The following HOMER2 variants were observed in gnomAD, a reference collection of about 807,000 sequenced individuals.
HOMER2 encodes the protein homer scaffold protein 2, also known as homer protein homolog 2.
In HOMER2, 27 loss-of-function variants were observed where a neutral mutation model predicts 47.0. The ratio of observed to expected loss-of-function variants is 0.57; its 90% CI spans 0.42 to 0.79. HOMER2 has a LOEUF of 0.79. HOMER2 is among the 30% of genes least tolerant of loss of function. The probability of loss-of-function intolerance (pLI) is 0.00; values close to 1 mark genes in which losing one functional copy is unlikely to be tolerated. For missense variants in HOMER2, 443 were observed against 435.0 expected, an observed-to-expected ratio of 1.02 and a Z score of -0.16; for synonymous variants, 161 against 163.8, an observed-to-expected ratio of 0.98 and a Z score of 0.13.
At chr15:82,931,773 G>C (rs1194186584) in intron 1 of HOMER2, among the ~76,000 whole-genome samples, 1 of 152,188 alleles carries the variant, frequency 6.6e-6, no homozygotes, top group East Asian at 1.9e-4. Context: ...AAAAGGCAGA[G>C]GTTGCCATGA....
At chr15:82,844,259 CG>C (rs1243913140), downstream of HOMER2, 23 of 152,066 alleles carry the variant, frequency 1.5e-4, no homozygotes, top group Non-Finnish European at 2.5e-4. Context: ...TAGGGAGGCG[CG>C]TACTTTTGAG....
intron 1 of HOMER2, among the ~76,000 whole-genome samples, chr15:82,976,526 T>C (rs1368488216): frequency 6.6e-6 from 1 of 152,026 alleles, no homozygotes; most frequent in Non-Finnish European, 1.5e-5. Context: ...CTCGAACTCC[T>C]GACCTCAGGT....
At chr15:82,930,924 G>A (rs905276782) in intron 1 of HOMER2, among the ~76,000 whole-genome samples, 3 of 152,072 alleles carry the variant, frequency 2.0e-5, no homozygotes, top group South Asian at 2.1e-4. Context: ...TACTTGGGGG[G>A]GCTGAGGCAG....
chr15:82,862,557 G>C (rs1366358267), intron 4 of HOMER2, among the ~76,000 whole-genome samples: 1 of 152,150 alleles, frequency 6.6e-6, no homozygotes, highest in East Asian at 1.9e-4. Flanking sequence ...GAAAAAGATA[G>C]TATATTAGAA....
chr15:82,896,045 GGAGAC>G (rs1172481011), intron 1 of HOMER2, among the ~76,000 whole-genome samples: 3 of 152,152 alleles, frequency 2.0e-5, no homozygotes, highest in Non-Finnish European at 4.4e-5. Flanking sequence ...AATGACACAG[GGAGAC>G]TCCAGAAAGT....
chr15:82,950,140 G>A (rs1426388378), intron 1 of HOMER2, among the ~76,000 whole-genome samples: 2 of 152,286 alleles, frequency 1.3e-5, no homozygotes, highest in African/African-American at 2.4e-5. Flanking sequence ...TTGGTCAAAG[G>A]TGCCTATCTT....
intron 1 of HOMER2, among the ~76,000 whole-genome samples, chr15:82,903,422 G>T (rs568640407): frequency 6.6e-6 from 1 of 151,946 alleles, no homozygotes; most frequent in South Asian, 2.1e-4. Flanking sequence ...AGACCAGTCT[G>T]ACAAACATGG....
At chr15:82,934,266 G>A (rs890801423) in intron 1 of HOMER2, among the ~76,000 whole-genome samples, 11 of 151,940 alleles carry the variant, frequency 7.2e-5, no homozygotes, top group African/African-American at 2.7e-4. Context: ...GTTACTTTCT[G>A]CCACCCACCA....
At chr15:82,935,558 C>T (rs1200264444) in intron 1 of HOMER2, among the ~76,000 whole-genome samples, 1 of 152,156 alleles carries the variant, frequency 6.6e-6, no homozygotes, top group Non-Finnish European at 1.5e-5. Context: ...TCCTCCCCAG[C>T]TCCACCTCCA....
intron 5 of HOMER2, among the ~76,000 whole-genome samples, chr15:82,858,674 T>TCA (rs143184946): frequency 5.2e-4 from 78 of 150,254 alleles, no homozygotes; most frequent in South Asian, 1.0e-3. Flanking sequence ...AGGGGTGCAT[T>TCA]CACACACACA....
intron 4 of HOMER2, among the ~76,000 whole-genome samples, chr15:82,863,872 G>A (rs1251400314): frequency 6.6e-6 from 1 of 152,188 alleles, no homozygotes; most frequent in Non-Finnish European, 1.5e-5. Context: ...GCACAGCCAG[G>A]AGACATGCTG....
intron 1 of HOMER2, among the ~76,000 whole-genome samples, chr15:82,902,913 T>G (rs2053167966): frequency 6.6e-6 from 1 of 152,250 alleles, no homozygotes; most frequent in South Asian, 2.1e-4. Context: ...CACACAAATG[T>G]GAATAATCTC....
intron 1 of HOMER2, among the ~76,000 whole-genome samples, chr15:82,945,457 T>C (rs1433003953): frequency 6.6e-6 from 1 of 152,198 alleles, no homozygotes; most frequent in Non-Finnish European, 1.5e-5. Context: ...ACTTGCTCTA[T>C]GTAGACATAC....
downstream of HOMER2, chr15:82,846,977 T>G (rs1182377607): frequency 6.6e-6 from 1 of 152,232 alleles, no homozygotes; most frequent in East Asian, 1.9e-4. Flanking sequence ...CCAGGTTTCA[T>G]GGAGGCAGAA....
intron 6 of HOMER2, among the ~76,000 whole-genome samples, chr15:82,853,833 C>A (rs897701535): frequency 6.6e-5 from 10 of 152,152 alleles, no homozygotes; most frequent in African/African-American, 2.4e-4. Context: ...CAGGTCAGCA[C>A]CTGTTTACCC....
At chr15:82,863,061 TC>T (rs2051845659) in intron 4 of HOMER2, among the ~76,000 whole-genome samples, 1 of 152,070 alleles carries the variant, frequency 6.6e-6, no homozygotes, top group Non-Finnish European at 1.5e-5. Context: ...CTCCACTGCT[TC>T]TTTGTGCACC....
intron 6 of HOMER2, among the ~76,000 whole-genome samples, chr15:82,853,211 G>A (rs2051454805): frequency 6.6e-6 from 1 of 152,212 alleles, no homozygotes. Context: ...ACTCAGGGAG[G>A]TCGACACGCC....
intron 1 of HOMER2, among the ~76,000 whole-genome samples, chr15:82,929,094 C>T (rs1305943835): frequency 6.6e-6 from 1 of 152,014 alleles, no homozygotes; most frequent in Admixed American, 6.6e-5. Flanking sequence ...AGCTTACAAC[C>T]CTGCTGTGTG....
At chr15:82,843,505 T>A (rs1567005666) in exon 2 of HOMER2, 1 of 70,212 alleles carries the variant, frequency 1.4e-5, no homozygotes, top group African/African-American at 5.9e-5. Flanking sequence ...CATGACGGCA[T>A]AGGTAGCAAC....
Sources: allele counts gnomAD v4.1 joint callset (sites outside exome capture counted in the v4.1 genomes callset), GRCh38; gene constraint gnomAD v4.1.1; transcripts MANE v1.5; gene names NCBI Gene and HGNC (gene_info 2026-07-23, HGNC 2026-07-21).